DLGAP2: variants seen among roughly 807,000 people sequenced by gnomAD.
DLGAP2 encodes the protein disks large-associated protein 2.
DLGAP2 carries 26 observed loss-of-function variants against 100.3 expected under a neutral mutation model. The observed-to-expected ratio is 0.26, with a 90% CI of 0.19 to 0.36. DLGAP2 has a LOEUF of 0.36. Among genes scored for constraint, DLGAP2 ranks in the 10% least tolerant of loss-of-function variants. DLGAP2 has a pLI of 1.00. For synonymous variants in DLGAP2, 886 were observed against 630.1 expected (o/e 1.41, Z -6.08); for missense variants, 1,858 against 1,453.2 (o/e 1.28, Z -4.53).
chr8:1,107,337 G>A (rs2129045025), intron 2 of DLGAP2, among the ~76,000 whole-genome samples: 1 of 152,312 alleles, frequency 6.6e-6, no homozygotes, highest in East Asian at 1.9e-4. Flanking sequence ...GGCTGGCACA[G>A]ACCCCTTGCT....
intron 2 of DLGAP2, among the ~76,000 whole-genome samples, chr8:1,136,456 C>T (rs999335778): frequency 5.9e-5 from 9 of 152,254 alleles, no homozygotes; most frequent in African/African-American, 1.7e-4. Flanking sequence ...CCATACAGGC[C>T]GGGGTGGATG....
At chr8:744,900 C>CT (rs1457367209) in intron 1 of DLGAP2, among the ~76,000 whole-genome samples, 2 of 152,240 alleles carry the variant, frequency 1.3e-5, no homozygotes, top group Non-Finnish European at 2.9e-5. Flanking sequence ...GAATTCCTCG[C>CT]TTGGACTGGG....
chr8:1,329,287 G>A (rs1412201648), intron 3 of DLGAP2, among the ~76,000 whole-genome samples: 4 of 152,092 alleles, frequency 2.6e-5, no homozygotes, highest in East Asian at 1.9e-4. Context: ...CTCAGTAATC[G>A]CACAAGTGCA....
intron 2 of DLGAP2, among the ~76,000 whole-genome samples, chr8:969,817 T>G (rs1799969785): frequency 6.6e-6 from 1 of 152,210 alleles, no homozygotes; most frequent in South Asian, 2.1e-4. Flanking sequence ...TTTATTGTTT[T>G]GGTGATCGTG....
intron 2 of DLGAP2, among the ~76,000 whole-genome samples, chr8:1,230,579 A>G (rs1192107129): frequency 6.6e-6 from 1 of 152,186 alleles, no homozygotes; most frequent in Non-Finnish European, 1.5e-5. Context: ...GAACAAAGCC[A>G]GAGGCATCAT....
At chr8:748,531 C>G (rs1820710869) in intron 1 of DLGAP2, among the ~76,000 whole-genome samples, 1 of 152,102 alleles carries the variant, frequency 6.6e-6, no homozygotes, top group Non-Finnish European at 1.5e-5. Context: ...TGTTTTCTCC[C>G]AGAAAAGCAG....
intron 3 of DLGAP2, among the ~76,000 whole-genome samples, chr8:1,285,268 A>G (rs74417836): frequency 0.032 from 4,927 of 152,328 alleles, 143 homozygotes; most frequent in South Asian, 0.13. Context: ...AATATCTACC[A>G]TATGAATTGT....
chr8:1,154,587 A>T, intron 2 of DLGAP2, among the ~76,000 whole-genome samples: 1 of 151,598 alleles, frequency 6.6e-6, no homozygotes, highest in East Asian at 1.9e-4. Flanking sequence ...TTCTTCTTTC[A>T]TCGCAATCAC....
At chr8:1,379,778 A>T (rs899053921) in intron 3 of DLGAP2, 2 of 152,262 alleles carry the variant, frequency 1.3e-5, no homozygotes, top group Non-Finnish European at 2.9e-5. Context: ...GCTGACAGAG[A>T]GTGGCCAACA....
At chr8:1,051,837 C>A (rs1405006222) in intron 2 of DLGAP2, among the ~76,000 whole-genome samples, 1 of 152,112 alleles carries the variant, frequency 6.6e-6, no homozygotes, top group African/African-American at 2.4e-5. Context: ...CTCTACTCCT[C>A]TCTAAGTGGA....
At chr8:1,104,404 C>T (rs1468719730) in intron 2 of DLGAP2, among the ~76,000 whole-genome samples, 2 of 152,128 alleles carry the variant, frequency 1.3e-5, no homozygotes, top group East Asian at 1.9e-4. Flanking sequence ...AGCCACAGGA[C>T]CAGCACAGTC....
At position 1,569,730 on chromosome 8, in the gene DLGAP2, C is replaced by A. The variant is rs544611277; in HGVS notation, c.1442+3836C>A. ...AATGAGGTGCTGGAGGCTGCACAAGCCACCAAGGCTCTCAGCTGAAGGTAG... is the reference window on the plus strand; with the variant it reads ...AATGAGGTGCTGGAGGCTGCACAAGACACCAAGGCTCTCAGCTGAAGGTAG... On this transcript the variant is annotated intron_variant, in intron 6 of 14. Transcript: ENST00000637795. Among the ~76,000 whole-genome samples the A allele has an allele frequency of 3.3e-5, 5 of 152,362 alleles. No homozygotes were observed. In the South Asian group the frequency reaches 8.3e-4, roughly 25 times the overall value.
chr8:1,303,402 CAAA>C (rs374350701), intron 3 of DLGAP2, among the ~76,000 whole-genome samples: 3,323 of 125,314 alleles, frequency 0.027, 146 homozygotes, highest in African/African-American at 0.083. Flanking sequence ...GTCTCAAAAA[CAAA>C]AAAAAAAAAA....
intron 1 of DLGAP2, among the ~76,000 whole-genome samples, chr8:756,674 G>T (rs926889728): frequency 6.6e-6 from 1 of 152,186 alleles, no homozygotes; most frequent in African/African-American, 2.4e-5. Context: ...TTTCATAGAT[G>T]CGGAAACTGA....
chr8:926,402 G>A (rs931884771), intron 2 of DLGAP2, among the ~76,000 whole-genome samples: 1 of 152,222 alleles, frequency 6.6e-6, no homozygotes, highest in Non-Finnish European at 1.5e-5. Context: ...CTGGCCCTGT[G>A]GCAGGCCCTG....
chr8:1,177,725 C>T (rs1475504305), intron 2 of DLGAP2, among the ~76,000 whole-genome samples: 1 of 152,056 alleles, frequency 6.6e-6, no homozygotes, highest in East Asian at 1.9e-4. Context: ...ATTGAGATGC[C>T]AGCAGGTTCG....
At chr8:1,065,286 T>C (rs2129036018) in intron 2 of DLGAP2, among the ~76,000 whole-genome samples, 1 of 152,364 alleles carries the variant, frequency 6.6e-6, no homozygotes, top group East Asian at 1.9e-4. Context: ...TTCAAGATTA[T>C]TTCAAGATAA....
chr8:1,631,794 G>T (rs1797653636), intron 7 of DLGAP2, among the ~76,000 whole-genome samples: 1 of 152,220 alleles, frequency 6.6e-6, no homozygotes, highest in Non-Finnish European at 1.5e-5. Context: ...GTCACCTCAG[G>T]TGAAACCAGA....
chr8:1,142,639 C>T (rs1031056678), intron 2 of DLGAP2, among the ~76,000 whole-genome samples: 8 of 152,168 alleles, frequency 5.3e-5, no homozygotes, highest in African/African-American at 9.7e-5. Context: ...GGAAGTGCGG[C>T]GACTTCGGTG....
Sources: allele counts gnomAD v4.1 joint callset (sites outside exome capture counted in the v4.1 genomes callset), GRCh38; gene constraint gnomAD v4.1.1; transcripts MANE v1.5; gene names NCBI Gene and HGNC (gene_info 2026-07-23, HGNC 2026-07-21).